The following ZNF654 variants were observed in gnomAD, a reference collection of about 807,000 sequenced individuals.
ZNF654 encodes zinc finger protein 654, also known as melanoma-associated antigen.
ZNF654 carries 19 observed loss-of-function variants against 95.3 expected under a neutral mutation model. The ratio of observed to expected loss-of-function variants is 0.20; its 90% confidence interval spans 0.14 to 0.29. The LOEUF (loss-of-function observed/expected upper bound fraction) is 0.29, where lower values mean the gene tolerates loss of function less well. Ranked by LOEUF, ZNF654 falls within the 10% of genes least tolerant of loss-of-function variation. The probability of loss-of-function intolerance (pLI) is 1.00; values close to 1 mark genes in which losing one functional copy is unlikely to be tolerated. For missense variants in ZNF654, 1,046 were observed against 1,341.0 expected (o/e 0.78, Z 3.44); for synonymous variants, 413 against 457.9 (o/e 0.90, Z 1.25).
In ZNF654 at chr3:88,141,727, T is replaced by C; in HGVS notation, c.*75T>C. 1 of 1,206,492 alleles carries C rather than the reference T, an allele frequency of 8.3e-7. No individual in the cohort carries two copies. Among genetic ancestry groups the C allele is most frequent in the Non-Finnish European group, 1.1e-6 (1 of 879,826 alleles). 74.7% of individuals were successfully genotyped at this position (1,206,492 alleles called of 1,614,324 possible). A position where few individuals can be genotyped will look rare whatever the true frequency, so the allele number is the denominator to read the frequency against. On this transcript the variant is annotated 3_prime_UTR_variant, in exon 9 of 9. Coordinates refer to ENST00000636215, the MANE Select transcript of ZNF654 (RefSeq NM_001350134.2). ...CACTATAAGAAAATGCATCATCAGT[T>C]TGCTATTTCCCTGATGGCCTTAATT... is the stretch of plus-strand genomic sequence containing the variant.
intron 1 of ZNF654, among the ~76,000 whole-genome samples, chr3:88,075,166 T>G (rs1707730835): frequency 6.6e-6 from 1 of 152,252 alleles, no homozygotes; most frequent in South Asian, 2.1e-4. Context: ...TGTGTTTTCC[T>G]GGCACTCCTT....
At chr3:88,083,745 A>G (rs1658959384) in intron 1 of ZNF654, among the ~76,000 whole-genome samples, 1 of 152,146 alleles carries the variant, frequency 6.6e-6, no homozygotes, top group South Asian at 2.1e-4. Context: ...TATTTGTTTT[A>G]GCAGCTTCAG....
At chr3:88,112,986 C>T in intron 2 of ZNF654, 129 bp from the exon 3 acceptor site, 1 of 585,674 alleles carries the variant, frequency 1.7e-6, no homozygotes, top group Non-Finnish European at 2.9e-6. Context: ...TTCTAGTGTT[C>T]AGTACAATTT....
At chr3:88,131,070 A>C (rs1559730676) in intron 6 of ZNF654, among the ~76,000 whole-genome samples, 1 of 152,160 alleles carries the variant, frequency 6.6e-6, no homozygotes, top group Non-Finnish European at 1.5e-5. Flanking sequence ...GTAGAGATAC[A>C]AACCTAGATG....
chr3:88,081,006 C>A (rs892806316), intron 1 of ZNF654, among the ~76,000 whole-genome samples: 6 of 152,158 alleles, frequency 3.9e-5, no homozygotes, highest in African/African-American at 1.4e-4. Context: ...AGTTGTTTCT[C>A]CTTAGTCTCT....
intron 2 of ZNF654, among the ~76,000 whole-genome samples, chr3:88,107,159 C>T (rs566513666): frequency 5.2e-4 from 79 of 152,206 alleles, no homozygotes; most frequent in Non-Finnish European, 1.0e-3. Context: ...GGGAATTTAG[C>T]TCTTAACTTA....
chr3:88,073,526 G>C (rs1707631317), intron 1 of ZNF654, among the ~76,000 whole-genome samples: 1 of 152,202 alleles, frequency 6.6e-6, no homozygotes, highest in African/African-American at 2.4e-5. Flanking sequence ...GGCTGAATAA[G>C]TGGCTGGAAC....
chr3:88,104,348 CTAGA>C (rs1704609708), intron 2 of ZNF654, among the ~76,000 whole-genome samples: 1 of 152,082 alleles, frequency 6.6e-6, no homozygotes, highest in Non-Finnish European at 1.5e-5. Context: ...TTTAAAAGGG[CTAGA>C]TATTTTAGAC....
chr3:88,062,560 T>A (rs1440858087), intron 1 of ZNF654, among the ~76,000 whole-genome samples: 1 of 152,226 alleles, frequency 6.6e-6, no homozygotes, highest in Non-Finnish European at 1.5e-5. Context: ...TTCTAATTCC[T>A]GAAAGTTTTA....
chr3:88,095,677 AC>A, intron 2 of ZNF654: 3 of 436,632 alleles, frequency 6.9e-6, no homozygotes, highest in South Asian at 5.3e-5. Flanking sequence ...TGGACTTGAT[AC>A]TGTCAGCACA....
chr3:88,134,545 A>C (rs1055906081), intron 6 of ZNF654, among the ~76,000 whole-genome samples: 1 of 152,108 alleles, frequency 6.6e-6, no homozygotes, highest in Non-Finnish European at 1.5e-5. Flanking sequence ...CAAATGGTCC[A>C]TAACCTGTCT....
Position 88,141,862 on chromosome 3 carries a change from C to G in ZNF654, c.*210C>G, listed in dbSNP as rs879189111. 6 of 397,754 alleles carry G rather than the reference C, an allele frequency of 1.5e-5. No homozygotes were observed. The South Asian group carries it at 4.3e-4, about 29-fold the overall frequency. 24.6% of individuals were successfully genotyped at this position (397,754 alleles called of 1,614,324 possible). On this transcript the variant is annotated 3_prime_UTR_variant, in exon 9 of 9. Transcript: ENST00000636215. ...AAAGGATTATAAAACTCCCAAAGTA[C>G]CAGTTTTCCAGAAAACCACATTTTA... is the stretch of plus-strand genomic sequence containing the variant.
At chr3:88,102,712 T>A (rs1237536642) in intron 2 of ZNF654, among the ~76,000 whole-genome samples, 2 of 151,980 alleles carry the variant, frequency 1.3e-5, no homozygotes, top group Non-Finnish European at 2.9e-5. Context: ...ATATTCAGTT[T>A]AACTTCTAAC....
chr3:88,075,443 GTAT>G (rs1403717492), intron 1 of ZNF654, among the ~76,000 whole-genome samples: 1 of 152,084 alleles, frequency 6.6e-6, no homozygotes, highest in African/African-American at 2.4e-5. Flanking sequence ...CCTCATATTT[GTAT>G]TATTTGGATA....
intron 2 of ZNF654, among the ~76,000 whole-genome samples, chr3:88,088,844 C>G (rs577714786): frequency 6.6e-6 from 1 of 151,894 alleles, no homozygotes; most frequent in East Asian, 1.9e-4. Flanking sequence ...ATGATCTCGG[C>G]TCACTGCAAC....
At chr3:88,089,741 A>T (rs190524534) in intron 2 of ZNF654, among the ~76,000 whole-genome samples, 1 of 152,280 alleles carries the variant, frequency 6.6e-6, no homozygotes, top group East Asian at 1.9e-4. Flanking sequence ...GATCCCAAAA[A>T]TATCTTGAGA....
rs1281000520 is a variant in ZNF654, at chr3:88,139,642, T to C, written c.1973T>C (p.Val658Ala). 3.1e-6 allele frequency: 5 copies of C among 1,612,736 alleles called. No homozygotes were observed. Among genetic ancestry groups the C allele is most frequent in the Non-Finnish European group, 4.2e-6 (5 of 1,179,354 alleles). The change falls in exon 8 of 9, where the codon GTG becomes GCG. Residue 658 changes from valine to alanine, a missense_variant. Physicochemically the swap from Val to Ala is moderately conservative, Grantham distance 64. Transcript: ENST00000636215. ...AACAAAGAAGTCATCCCTGAGCATG[T>C]GGCTGAATTCATTGAAATTCCCATA... ...EGNKEVIPEHVAEFIEIPISV... is the reference protein window; with the variant it reads ...EGNKEVIPEHAAEFIEIPISV...
intron 2 of ZNF654, among the ~76,000 whole-genome samples, chr3:88,106,407 G>A (rs987327302): frequency 4.0e-5 from 6 of 151,292 alleles, no homozygotes; most frequent in African/African-American, 1.2e-4. Flanking sequence ...GTGTGATCTC[G>A]GCTCACTGCA....
chr3:88,126,172 T>C lies in ZNF654; in HGVS notation c.453T>C (p.Asn151=), dbSNP rs1190307591. Residue 151 remains asparagine, a synonymous_variant, in exon 4 of 9, where the codon AAT becomes AAC. Coordinates refer to ENST00000636215, the MANE Select transcript of ZNF654 (RefSeq NM_001350134.2). The part of the protein sequence containing the change: ...QNHLRRYGNV[N]LELVTRIIRD... ...ACCTCCGCAGATATGGAAATGTGAA[T>C]CTGGAACTGGTGACTCGAATCATTA... is the stretch of plus-strand genomic sequence containing the variant. 1.3e-6 allele frequency: 2 copies of C among 1,524,244 alleles called. No homozygotes were observed. The highest frequency in any genetic ancestry group is 4.0e-5 in the Admixed American group (2 of 50,488). 94.4% of individuals were successfully genotyped at this position (1,524,244 alleles called of 1,614,324 possible).
Sources: gnomAD v4.1 joint callset for allele counts (sites outside exome capture counted in the v4.1 genomes callset) on GRCh38, gnomAD v4.1.1 for gene constraint, MANE v1.5 for transcripts, NCBI Gene and HGNC (gene_info 2026-07-23, HGNC 2026-07-21) for gene names.